The following CDH3 variants were observed in gnomAD, a reference collection of about 807,000 sequenced individuals.
The protein encoded by CDH3 is cadherin 3.
A neutral mutation model predicts 82.0 loss-of-function variants in CDH3; 54 were observed. The ratio of observed to expected loss-of-function variants is 0.66; its 90% CI spans 0.53 to 0.83. The LOEUF is 0.83. Ranked by LOEUF, CDH3 falls within the 40% of genes least tolerant of loss-of-function variation. CDH3 has a pLI of 0.00. For missense variants in CDH3, 1,054 were observed against 1,084.6 expected (o/e 0.97, Z 0.40); for synonymous variants, 446 against 437.9 (o/e 1.02, Z -0.23).
chr16:68,719,502 CTTTTT>C lies in CDH3; in HGVS notation c.100-2904_100-2900del, dbSNP rs71148939. ...GATTTTTTGGCATGATGGAACTGTT[CTTTTT>C]TTTTTTTTTTTTTTTTTTGAGAGGG... On this transcript the variant is annotated intron_variant, in intron 1 of 2. Transcript: ENST00000569080. Among the ~76,000 whole-genome samples, 3 of 74,510 alleles carry C rather than the reference CTTTTT, an allele frequency of 4.0e-5. 1 individual carries two copies. The highest frequency in any genetic ancestry group is 1.1e-3 in the South Asian group (2 of 1,748). The allele number at this position is 74,510 out of a possible 152,430, so 48.9% of individuals were successfully genotyped here. A position where few individuals can be genotyped will look rare whatever the true frequency, so the allele number is the denominator to read the frequency against.
rs141802137 is a variant in CDH3 at position 68,667,851 on chromosome 16, A to G, written c.161-8534A>G. Among the ~76,000 whole-genome samples the G allele has an allele frequency of 3.9e-5, 6 of 152,316 alleles. No homozygotes were observed. In the East Asian group the frequency reaches 1.2e-3, roughly 29 times the overall value. On this transcript the variant is annotated intron_variant, in intron 2 of 15. Transcript: ENST00000264012. ...TCCTGGTTTCCATTGGATGTCTTCTATCGAGTGCAGATACATAGAGCTCTG... is the reference window on the plus strand; with the variant it reads ...TCCTGGTTTCCATTGGATGTCTTCTGTCGAGTGCAGATACATAGAGCTCTG...
rs756048455 is a variant in CDH3, at chr16:68,678,793, C to T, written c.578C>T (p.Ala193Val). ...LFGHAVSENG[A>V]SVEDPMNISI... is the part of the protein sequence containing the mutation. ...GGCCACGCTGTGTCAGAGAATGGTG[C>T]CTCAGTGGAGGACCCCATGAACATC... Residue 193 changes from alanine to valine, a missense_variant, in exon 6 of 16, where the codon GCC becomes GTC. By Grantham distance (64) the Ala-to-Val change is moderately conservative. Coordinates refer to ENST00000264012, the MANE Select transcript of CDH3 (RefSeq NM_001793.6). 8 of 1,614,116 alleles carry T rather than the reference C, an allele frequency of 5.0e-6. No individual in the cohort carries two copies. The Middle Eastern group carries it at 8.2e-4, about 166-fold the overall frequency.
Position 68,695,373 on chromosome 16 carries a change from C to T in CDH3, c.2121C>T (p.Gly707=), listed in dbSNP as rs1235025135. Residue 707 remains glycine, a synonymous_variant, in exon 14 of 16, where the codon GGC becomes GGT. Transcript: ENST00000264012. ...TCTACTATGGCGAAGAGGGGGGTGG[C>T]GAAGAGGACCAGGTGGGGCACTGGG... ...NVFYYGEEGG[G]EEDQDYDITQ... is the part of the protein sequence containing the mutation. 11 of 1,611,416 alleles carry T rather than the reference C, an allele frequency of 6.8e-6. No individual in the cohort carries two copies. Among genetic ancestry groups the T allele is most frequent in the South Asian group, 1.1e-5 (1 of 90,592 alleles).
intron 1 of CDH3, among the ~76,000 whole-genome samples, chr16:68,710,716 C>CAT (rs1460998146): frequency 6.6e-6 from 1 of 151,098 alleles, no homozygotes; most frequent in East Asian, 2.0e-4. Context: ...TGGTGGCGGG[C>CAT]GCCTGTAATT....
chr16:68,685,443 A>C, intron 11 of CDH3, 93 bp downstream of exon 11: 1 of 1,401,624 alleles, frequency 7.1e-7, no homozygotes, highest in Non-Finnish European at 1.0e-6. Flanking sequence ...AGGTGGGAAC[A>C]TGTGTCGAGG....
chr16:68,680,866 T>A (rs1039722971), intron 7 of CDH3, 102 bp from the exon 8 acceptor site: 1 of 1,276,470 alleles, frequency 7.8e-7, no homozygotes, highest in African/African-American at 1.5e-5. Context: ...GGAGAGATCC[T>A]CCTCTCCATC....
At chr16:68,695,063 T>C (rs192922053) in intron 13 of CDH3, among the ~76,000 whole-genome samples, 192 bp from the exon 14 acceptor site, 131 of 152,282 alleles carry the variant, frequency 8.6e-4, no homozygotes, top group African/African-American at 2.7e-3. Context: ...CTTGGAGGCA[T>C]AGGCTGGGAC....
chr16:68,712,032 G>GTTTTTT (rs1322776953), intron 1 of CDH3, among the ~76,000 whole-genome samples: 1 of 85,998 alleles, frequency 1.2e-5, no homozygotes, highest in African/African-American at 4.3e-5. Flanking sequence ...GGGTTTTTTT[G>GTTTTTT]TTTTCTTTTT....
chr16:68,670,656 T>G (rs535889931), intron 2 of CDH3, among the ~76,000 whole-genome samples: 201 of 152,264 alleles, frequency 1.3e-3, no homozygotes, highest in Admixed American at 2.3e-3. Flanking sequence ...AAGTGTAATA[T>G]CCATCTTCCA....
chr16:68,666,034 C>T (rs547686450), intron 2 of CDH3, among the ~76,000 whole-genome samples: 7 of 152,248 alleles, frequency 4.6e-5, no homozygotes, highest in African/African-American at 1.7e-4. Flanking sequence ...TATTTGAAAT[C>T]AATCATCCAT....
At chr16:68,648,450 CTT>C (rs112124775) in intron 2 of CDH3, among the ~76,000 whole-genome samples, 14 of 143,300 alleles carry the variant, frequency 9.8e-5, no homozygotes, top group Non-Finnish European at 1.1e-4. Context: ...AGTTCCCTGG[CTT>C]TTTTTTTTTT....
chr16:68,710,222 G>T (rs1030009194), intron 1 of CDH3, among the ~76,000 whole-genome samples: 18 of 152,302 alleles, frequency 1.2e-4, no homozygotes, highest in African/African-American at 4.3e-4. Context: ...CCTGTCATGT[G>T]GACCCTCTTC....
chr16:68,708,039 A>C (rs1961986071), intron 1 of CDH3, among the ~76,000 whole-genome samples: 1 of 151,928 alleles, frequency 6.6e-6, no homozygotes, highest in South Asian at 2.1e-4. Flanking sequence ...TAATTACAAG[A>C]ATGATAGACT....
At chr16:68,721,944 G>A (rs1185931988) in intron 1 of CDH3, among the ~76,000 whole-genome samples, 2 of 151,966 alleles carry the variant, frequency 1.3e-5, no homozygotes, top group East Asian at 1.9e-4. Flanking sequence ...ACAAAAGTTA[G>A]CTGGGTGTGT....
chr16:68,721,860 C>G (rs569633350), intron 1 of CDH3, among the ~76,000 whole-genome samples: 1 of 152,022 alleles, frequency 6.6e-6, no homozygotes, highest in African/African-American at 2.4e-5. Context: ...GAGGCTGAGG[C>G]GGGCAGATCA....
chr16:68,712,576 C>G (rs1014048590), intron 1 of CDH3, among the ~76,000 whole-genome samples: 2 of 147,346 alleles, frequency 1.4e-5, no homozygotes, highest in African/African-American at 4.9e-5. Flanking sequence ...AATCCAATAC[C>G]ATAACATTGT....
In CDH3 at chr16:68,685,306, T is replaced by G; in HGVS notation, c.1526T>G (p.Val509Gly). ...CTCGACCGTGAGGATGAGCAGTTTG[T>G]GAGGAACAACATCTATGAAGTCATG... ...GTLDREDEQFVRNNIYEVMVL... is the reference protein window; with the variant it reads ...GTLDREDEQFGRNNIYEVMVL... Residue 509 changes from valine (V) to glycine (G), a missense_variant, in exon 11 of 16, where the codon GTG (valine) becomes GGG (glycine). Transcript: ENST00000264012. 4 of 1,614,132 alleles carry G rather than the reference T, an allele frequency of 2.5e-6. No individual in the cohort carries two copies. Among genetic ancestry groups the G allele is most frequent in the Non-Finnish European group, 3.4e-6 (4 of 1,180,022 alleles).
chr16:68,718,525 C>CA (rs1962120167), intron 1 of CDH3, among the ~76,000 whole-genome samples: 1 of 151,604 alleles, frequency 6.6e-6, no homozygotes. Flanking sequence ...ACTAAAAATA[C>CA]AAAAAAATTA....
chr16:68,647,265 G>A (rs1411897541), intron 2 of CDH3, among the ~76,000 whole-genome samples: 2 of 60,522 alleles, frequency 3.3e-5, no homozygotes, highest in East Asian at 3.7e-4. Flanking sequence ...CCCTCCCCCC[G>A]CCCCATTGTC....
Sources: gnomAD v4.1 joint callset for allele counts (sites outside exome capture counted in the v4.1 genomes callset) on GRCh38, gnomAD v4.1.1 for gene constraint, MANE v1.5 for transcripts, NCBI Gene and HGNC (gene_info 2026-07-23, HGNC 2026-07-21) for gene names.